SLC38A8: variants seen among roughly 807,000 people sequenced by gnomAD.
SLC38A8 encodes the protein amino acid transporter SLC38A8.
Under a neutral mutation model 46.0 loss-of-function variants are expected in SLC38A8, and 65 were observed. The observed-to-expected ratio is 1.41, with a 90% CI of 1.16 to 1.74. The LOEUF (loss-of-function observed/expected upper bound fraction) is 1.74. Among genes scored for constraint, SLC38A8 ranks in the 40% most tolerant of loss-of-function variants. SLC38A8 has a pLI of 0.00. For synonymous variants in SLC38A8, 447 were observed against 243.7 expected (o/e 1.83, Z -7.77); for missense variants, 998 against 567.9 (o/e 1.76, Z -7.70).
At chr16:84,035,168 C>G (rs1256994534) in intron 3 of SLC38A8, among the ~76,000 whole-genome samples, 3 of 152,128 alleles carry the variant, frequency 2.0e-5, no homozygotes, top group Admixed American at 6.5e-5. Flanking sequence ...GCTCAGAATC[C>G]TTCTTAACAC....
At chr16:84,017,335 TG>T (rs777602580) in intron 7 of SLC38A8, 48 bp from the exon 8 acceptor site, 8 of 1,603,026 alleles carry the variant, frequency 5.0e-6, no homozygotes, top group Non-Finnish European at 6.8e-6. Flanking sequence ...AGGAAAATGC[TG>T]CCCCCTCCCC....
At chr16:84,026,157 G>T (rs1388191926) in intron 6 of SLC38A8, among the ~76,000 whole-genome samples, 1 of 152,246 alleles carries the variant, frequency 6.6e-6, no homozygotes, top group African/African-American at 2.4e-5. Flanking sequence ...AGTTAGTAGT[G>T]CCAGACAGGT....
rs1361687195 is a variant in SLC38A8 at position 84,038,517 on chromosome 16, G to T, written c.190-1617C>A. On this transcript the variant is annotated intron_variant, in intron 2 of 10. Coordinates refer to ENST00000299709, the MANE Select transcript of SLC38A8 (RefSeq NM_001080442.3). ...TGCAGATCCCAGTGTACATCCCCTG[G>T]AATACTCTGGCGTGCCTACCATGCA... Among the ~76,000 whole-genome samples the T allele has an allele frequency of 2.0e-5, 3 of 152,244 alleles. No homozygotes were observed. The East Asian group carries it at 5.8e-4, about 29-fold the overall frequency.
At chr16:84,031,818 T>G in intron 5 of SLC38A8, 49 bp downstream of exon 5, 2 of 1,521,776 alleles carry the variant, frequency 1.3e-6, no homozygotes, top group Non-Finnish European at 1.8e-6. Flanking sequence ...CAGACTCCCC[T>G]GCCGTGCCTC....
At chr16:84,033,518 G>A (rs987668283) in intron 3 of SLC38A8, 49 bp from the exon 4 acceptor site, 3 of 1,524,094 alleles carry the variant, frequency 2.0e-6, no homozygotes, top group South Asian at 1.3e-5. Context: ...AATGCCGTGG[G>A]TTCTCGGCTC....
intron 9 of SLC38A8, among the ~76,000 whole-genome samples, chr16:84,013,424 GTTTT>G (rs1221293803): frequency 9.4e-5 from 6 of 64,042 alleles, no homozygotes; most frequent in African/African-American, 1.6e-4. Flanking sequence ...TTGTGTGTGT[GTTTT>G]TTTTTTTTTT....
intron 9 of SLC38A8, among the ~76,000 whole-genome samples, chr16:84,015,215 C>A (rs1282616645): frequency 6.6e-6 from 1 of 152,124 alleles, no homozygotes; most frequent in East Asian, 1.9e-4. Flanking sequence ...GGAACACACC[C>A]CCCACTGCGG....
At chr16:84,025,209 G>A (rs1057227999) in intron 6 of SLC38A8, among the ~76,000 whole-genome samples, 2 of 152,084 alleles carry the variant, frequency 1.3e-5, no homozygotes, top group African/African-American at 2.4e-5. Context: ...AGGCTCCTGG[G>A]GCTGGTTCCC....
chr16:84,016,645 C>A lies in SLC38A8; in HGVS notation c.1036G>T (p.Val346Phe), dbSNP rs1452571700. The change falls in exon 9 of 11, where the codon GTC (valine) becomes TTC (phenylalanine). Residue 346 changes from valine (V) to phenylalanine (F), a missense_variant. By Grantham distance (50) the Val-to-Phe change is conservative. Transcript: ENST00000299709. ...CACAGGATGGTCAGCGGCATCCGGA[C>A]CCACAGCCCTGAGGGGTCGGCCAGG... Reference protein sequence around the residue: ...SALADPSGLWVRMPLTILWVT... With the variant: ...SALADPSGLWFRMPLTILWVT... The A allele has an allele frequency of 1.1e-5, 17 of 1,613,890 alleles. No individual in the cohort carries two copies. Among genetic ancestry groups the A allele is most frequent in the Admixed American group, 1.7e-5 (1 of 60,028 alleles).
At position 84,034,434 on chromosome 16, in the gene SLC38A8, G is replaced by C. The variant is rs75876889; in HGVS notation, c.389-965C>G. 5.4e-4 allele frequency among the ~76,000 whole-genome samples: 82 copies of C among 152,318 alleles called. No individual in the cohort carries two copies. The East Asian group carries it at 0.012, about 22-fold the overall frequency. Reference sequence around the variant, plus strand: ...ACCCATCTAAGAGGTAAGACAGATGGGGGAGGGGAAAGCACAGGCGAGTGG... The same window carrying C: ...ACCCATCTAAGAGGTAAGACAGATGCGGGAGGGGAAAGCACAGGCGAGTGG... On this transcript the variant is annotated intron_variant, in intron 3 of 10. Coordinates refer to ENST00000299709, the MANE Select transcript of SLC38A8 (RefSeq NM_001080442.3).
At chr16:84,031,761 G>C (rs1199824751) in intron 5 of SLC38A8, 106 bp downstream of exon 5, 2 of 924,846 alleles carry the variant, frequency 2.2e-6, no homozygotes, top group Non-Finnish European at 3.4e-6. Flanking sequence ...AAGGAGCCCA[G>C]GCTCTGCAGT....
intron 2 of SLC38A8, among the ~76,000 whole-genome samples, chr16:84,039,376 G>A (rs1252104038): frequency 6.6e-6 from 1 of 152,200 alleles, no homozygotes; most frequent in Non-Finnish European, 1.5e-5. Flanking sequence ...CCTGAAGACT[G>A]GGTGGTATCC....
At chr16:84,027,082 T>C (rs760592822) in intron 6 of SLC38A8, among the ~76,000 whole-genome samples, 3 of 152,222 alleles carry the variant, frequency 2.0e-5, no homozygotes, top group Non-Finnish European at 4.4e-5. Context: ...CCAGGCACAG[T>C]GGCTCACGCC....
chr16:84,017,226 T>C lies in SLC38A8; in HGVS notation c.867A>G (p.Pro289=). 1 of 1,614,082 alleles carries C rather than the reference T, an allele frequency of 6.2e-7. No homozygotes were observed. Among genetic ancestry groups the C allele is most frequent in the Non-Finnish European group, 8.5e-7 (1 of 1,179,990 alleles). The change falls in exon 8 of 11, where the codon CCA becomes CCG. Residue 289 remains proline (P), a synonymous_variant. Coordinates refer to ENST00000299709, the MANE Select transcript of SLC38A8 (RefSeq NM_001080442.3). ...CCACAATGATGACCATATCATTGCC[T>C]GGGTAGGACATCAAGACGTCAGCAG... The part of the protein sequence containing the change: ...EVSADVLMSY[P]GNDMVIIVAR...
chr16:84,030,576 C>A (rs2085226082), intron 5 of SLC38A8, among the ~76,000 whole-genome samples: 1 of 152,218 alleles, frequency 6.6e-6, no homozygotes, highest in East Asian at 1.9e-4. Flanking sequence ...CCAGCCTGAG[C>A]TGCTCCCAGG....
At chr16:84,028,812 C>T (rs868170711) in intron 6 of SLC38A8, among the ~76,000 whole-genome samples, 20 of 152,038 alleles carry the variant, frequency 1.3e-4, no homozygotes, top group Middle Eastern at 3.4e-3. Context: ...CCTGTGCTGT[C>T]CTCTCTACCT....
At chr16:84,042,982 C>G (rs1567460766), upstream of SLC38A8, among the ~76,000 whole-genome samples, 2 of 152,156 alleles carry the variant, frequency 1.3e-5, no homozygotes, top group Non-Finnish European at 2.9e-5. Context: ...TGCAGCGCCT[C>G]CATCCTCACA....
chr16:84,030,157 G>T, intron 5 of SLC38A8, among the ~76,000 whole-genome samples: 1 of 152,122 alleles, frequency 6.6e-6, no homozygotes, highest in Non-Finnish European at 1.5e-5. Flanking sequence ...GTGTGAGGAT[G>T]AAGGCCAAGA....
rs376944636 is a variant in SLC38A8 at position 84,016,690 on chromosome 16, C to A, written c.991G>T (p.Gly331Trp). Residue 331 changes from glycine to tryptophan, a missense_variant, in exon 9 of 11, where the codon GGG (glycine) becomes TGG (tryptophan). Coordinates refer to ENST00000299709, the MANE Select transcript of SLC38A8 (RefSeq NM_001080442.3). ...MQDFWRRSCL[G>W]GWGPSALADP... ...GCCAGGGCGCTGGGCCCCCATCCCCCCAAGCAGCTCCTCCTCCAGAAGTCC... is the reference window on the plus strand; with the variant it reads ...GCCAGGGCGCTGGGCCCCCATCCCCACAAGCAGCTCCTCCTCCAGAAGTCC... 60 of 1,613,232 alleles carry A rather than the reference C, an allele frequency of 3.7e-5. No homozygotes were observed. Among genetic ancestry groups the A allele is most frequent in the Non-Finnish European group, 5.0e-5 (59 of 1,179,970 alleles).
Sources: gnomAD v4.1 joint callset for allele counts (sites outside exome capture counted in the v4.1 genomes callset) on GRCh38, gnomAD v4.1.1 for gene constraint, MANE v1.5 for transcripts, NCBI Gene and HGNC (gene_info 2026-07-23, HGNC 2026-07-21) for gene names.